CNTNAP2: variants seen among roughly 807,000 people sequenced by gnomAD.
CNTNAP2 encodes the protein contactin associated protein 2.
A neutral mutation model predicts 155.2 loss-of-function variants in CNTNAP2; 98 were observed. That is an observed-to-expected ratio of 0.63 (90% CI 0.54 to 0.75). CNTNAP2 has a LOEUF of 0.75. CNTNAP2 is among the 30% of genes least tolerant of loss of function. The pLI is 0.00. For missense variants in CNTNAP2, 1,727 were observed against 1,688.1 expected (o/e 1.02, Z -0.40); for synonymous variants, 651 against 631.2 (o/e 1.03, Z -0.47).
At chr7:147,484,843 A>C (rs1366898225) in intron 10 of CNTNAP2, among the ~76,000 whole-genome samples, 1 of 152,180 alleles carries the variant, frequency 6.6e-6, no homozygotes, top group Non-Finnish European at 1.5e-5. Context: ...ATGATTATAG[A>C]TTCTGCTATT....
At chr7:146,457,007 T>C (rs1382028843) in intron 1 of CNTNAP2, among the ~76,000 whole-genome samples, 1 of 152,182 alleles carries the variant, frequency 6.6e-6, no homozygotes, top group Non-Finnish European at 1.5e-5. Flanking sequence ...TTAAATGTAT[T>C]TTTTTCAAAC....
intron 5 of CNTNAP2, among the ~76,000 whole-genome samples, chr7:147,115,699 A>G (rs996476536): frequency 2.6e-5 from 4 of 152,064 alleles, no homozygotes; most frequent in African/African-American, 9.7e-5. Context: ...TGTTCTGGCT[A>G]TCAGATCCCA....
At chr7:146,527,477 T>A (rs1308505842) in intron 1 of CNTNAP2, among the ~76,000 whole-genome samples, 1 of 152,096 alleles carries the variant, frequency 6.6e-6, no homozygotes. Flanking sequence ...ACCAGTTGAA[T>A]ATCAGGCTCA....
intron 4 of CNTNAP2, chr7:147,082,888 C>T (rs945927401): frequency 6.6e-6 from 1 of 152,088 alleles, no homozygotes; most frequent in Non-Finnish European, 1.5e-5. Flanking sequence ...GCCTGGCTCC[C>T]ATCTTGGGGT....
Position 146,281,757 on chromosome 7 carries a change from T to G in CNTNAP2, c.97+164784T>G, listed in dbSNP as rs533670935. ...TTGCAGTGAGCCAAGATCTCACCGT[T>G]GCACTCCAGCCTGGCAACCAAGTGA... On this transcript the variant is annotated intron_variant, in intron 1 of 23. Transcript: ENST00000361727. Among the ~76,000 whole-genome samples, 307 of 152,022 alleles carry G rather than the reference T, an allele frequency of 2.0e-3. 3 individuals carry two copies. The highest frequency in any genetic ancestry group is 7.0e-3 in the African/African-American group (288 of 41,422).
rs115616847 is a variant in CNTNAP2 at position 147,141,545 on chromosome 7, A to G, written c.1348+9036A>G. Among the ~76,000 whole-genome samples the G allele has an allele frequency of 6.7e-3, 1,025 of 152,188 alleles. 15 individuals are homozygous for G. Among genetic ancestry groups the G allele is most frequent in the African/African-American group, 0.023 (944 of 41,520 alleles). On this transcript the variant is annotated intron_variant, in intron 8 of 23. Coordinates refer to ENST00000361727, the MANE Select transcript of CNTNAP2 (RefSeq NM_014141.6). ...TGAAGGACATTATCATCTGCATTTC[A>G]TAGATTAAAAAAAAACACAGGAATA...
intron 11 of CNTNAP2, among the ~76,000 whole-genome samples, chr7:147,519,291 G>A (rs1799188826): frequency 6.6e-6 from 1 of 152,180 alleles, no homozygotes; most frequent in South Asian, 2.1e-4. Flanking sequence ...CAAAGCCAGC[G>A]ATGACTGATG....
At chr7:146,524,045 A>G (rs978897386) in intron 1 of CNTNAP2, among the ~76,000 whole-genome samples, 2 of 152,260 alleles carry the variant, frequency 1.3e-5, no homozygotes, top group Middle Eastern at 3.4e-3. Context: ...GCATTAATCA[A>G]TATCCCAGGG....
chr7:148,294,039 C>CAAAAA (rs10607772), intron 21 of CNTNAP2, among the ~76,000 whole-genome samples: 5 of 70,044 alleles, frequency 7.1e-5, no homozygotes, highest in Non-Finnish European at 7.7e-5. Context: ...GGCTCCATCT[C>CAAAAA]AAAAAAAAAA....
rs1195946572 is a variant in CNTNAP2 at position 146,340,168 on chromosome 7, C to CAAAA, written c.97+223215_97+223218dup. 4.0e-4 allele frequency among the ~76,000 whole-genome samples: 22 copies of CAAAA among 54,820 alleles called. 1 individual carries two copies. Among genetic ancestry groups the CAAAA allele is most frequent in the East Asian group, 2.3e-3 (4 of 1,708 alleles). The allele number at this position is 54,820 out of a possible 152,430, so 36.0% of individuals were successfully genotyped here. A position where few individuals can be genotyped will look rare whatever the true frequency, so the allele number is the denominator to read the frequency against. ...TGGGCGATAGAGCGAGACTCCGCCT[C>CAAAA]AAAAAAAAAAAAAAAAAAAAAAAGA... On this transcript the variant is annotated intron_variant, in intron 1 of 23. Coordinates refer to ENST00000361727, the MANE Select transcript of CNTNAP2 (RefSeq NM_014141.6).
At chr7:147,200,494 A>T (rs1197525424) in intron 8 of CNTNAP2, among the ~76,000 whole-genome samples, 1 of 152,174 alleles carries the variant, frequency 6.6e-6, no homozygotes, top group Non-Finnish European at 1.5e-5. Flanking sequence ...GGAAACCACA[A>T]TCCTTTAAAA....
chr7:147,899,886 C>T (rs1263093119), intron 13 of CNTNAP2, among the ~76,000 whole-genome samples: 1 of 129,838 alleles, frequency 7.7e-6, no homozygotes, highest in Non-Finnish European at 1.6e-5. Context: ...GAGCCAGACT[C>T]CATCTCAAAA....
chr7:148,181,514 A>G (rs566539073), intron 18 of CNTNAP2, among the ~76,000 whole-genome samples: 159 of 152,296 alleles, frequency 1.0e-3, no homozygotes, highest in Non-Finnish European at 2.0e-3. Context: ...TGGCTTTGTT[A>G]TAGAATTTTG....
chr7:147,866,350 T>A (rs6967072), intron 13 of CNTNAP2, among the ~76,000 whole-genome samples: 90,998 of 151,984 alleles, frequency 0.6, 27,549 homozygotes, highest in Middle Eastern at 0.7. Flanking sequence ...TTTGTGGTCA[T>A]TTTTAGAATA....
intron 4 of CNTNAP2, among the ~76,000 whole-genome samples, chr7:147,107,700 C>G (rs1800794359): frequency 6.6e-6 from 1 of 151,990 alleles, no homozygotes; most frequent in Admixed American, 6.6e-5. Context: ...GATTACATTC[C>G]AAGTGCCTTC....
intron 1 of CNTNAP2, among the ~76,000 whole-genome samples, chr7:146,447,809 G>A (rs1796423449): frequency 6.6e-6 from 1 of 151,834 alleles, no homozygotes; most frequent in South Asian, 2.1e-4. Context: ...AATATCAATG[G>A]TGTTTACTCA....
intron 1 of CNTNAP2, among the ~76,000 whole-genome samples, chr7:146,364,064 A>T (rs1376636860): frequency 6.6e-6 from 1 of 152,134 alleles, no homozygotes; most frequent in Non-Finnish European, 1.5e-5. Flanking sequence ...CATGAGTAAG[A>T]TCTAATACCG....
intron 1 of CNTNAP2, among the ~76,000 whole-genome samples, chr7:146,265,192 C>T (rs1375842858): frequency 6.6e-6 from 1 of 152,094 alleles, no homozygotes; most frequent in African/African-American, 2.4e-5. Context: ...AACTATCATA[C>T]ATAATACCAT....
intron 2 of CNTNAP2, among the ~76,000 whole-genome samples, chr7:146,780,774 A>G (rs746089035): frequency 2.6e-5 from 4 of 152,130 alleles, no homozygotes; most frequent in Admixed American, 1.3e-4. Flanking sequence ...ACACAGAAAC[A>G]GAAAACCAAC....
Sources: allele counts gnomAD v4.1 joint callset (sites outside exome capture counted in the v4.1 genomes callset), GRCh38; gene constraint gnomAD v4.1.1; transcripts MANE v1.5; gene names NCBI Gene and HGNC (gene_info 2026-07-23, HGNC 2026-07-21).